Variants in BARX2 observed in about 807,000 individuals in gnomAD.
BARX2 encodes the protein BARX homeobox 2.
A neutral mutation model predicts 25.5 loss-of-function variants in BARX2; 11 were observed. That is an observed-to-expected ratio of 0.43 (90% CI 0.27 to 0.71). The LOEUF (loss-of-function observed/expected upper bound fraction) is 0.71. BARX2 is among the 30% of genes least tolerant of loss of function. The pLI, the probability that BARX2 is intolerant of heterozygous loss-of-function variation, is 0.19. For synonymous variants in BARX2, 137 were observed against 149.5 expected (o/e 0.92, Z 0.61); for missense variants, 360 against 359.9 (o/e 1.00, Z 0.00).
intron 3 of BARX2, among the ~76,000 whole-genome samples, chr11:129,448,490 T>C (rs1862356942): frequency 6.6e-6 from 1 of 152,204 alleles, no homozygotes; most frequent in Non-Finnish European, 1.5e-5. Context: ...CCAATGAAGA[T>C]ATACAGCTAG....
intron 1 of BARX2, among the ~76,000 whole-genome samples, chr11:129,420,840 C>T (rs1861996565): frequency 6.6e-6 from 1 of 152,180 alleles, no homozygotes; most frequent in African/African-American, 2.4e-5. Flanking sequence ...AAGGCAAAAA[C>T]TTTAAATGTG....
chr11:129,394,801 C>T (rs1286046418), intron 1 of BARX2, among the ~76,000 whole-genome samples: 11 of 152,122 alleles, frequency 7.2e-5, no homozygotes, highest in African/African-American at 2.2e-4. Flanking sequence ...CATTTATTTG[C>T]GGACTGGAAA....
Position 129,390,699 on chromosome 11 carries a change from C to A in BARX2, c.187+14477C>A, listed in dbSNP as rs1219303829. 6.6e-6 allele frequency among the ~76,000 whole-genome samples: 1 copy of A among 152,132 alleles called. No individual in the cohort carries two copies. Among genetic ancestry groups the A allele is most frequent in the Non-Finnish European group, 1.5e-5 (1 of 68,028 alleles). ...TCATTTGGAAATGGCCCTGTGAGTA[C>A]GTGCTTATTTTCAGAGGCGTTCCCC... On this transcript the variant is annotated intron_variant, in intron 1 of 3. Transcript: ENST00000281437. This position sits in a 1 kb window ranked among gnomAD's most constrained non-coding sequence, Gnocchi z 4.3.
At chr11:129,399,805 A>T (rs967200824) in intron 1 of BARX2, among the ~76,000 whole-genome samples, 4 of 152,204 alleles carry the variant, frequency 2.6e-5, no homozygotes, top group Non-Finnish European at 4.4e-5. Flanking sequence ...TCATTGGGTC[A>T]TTGCCATGGA....
intron 1 of BARX2, among the ~76,000 whole-genome samples, chr11:129,402,081 A>G (rs1861782319): frequency 6.6e-6 from 1 of 150,796 alleles, no homozygotes; most frequent in Admixed American, 6.6e-5. Context: ...ATAGAAGTGT[A>G]TGAACAAATA....
intron 1 of BARX2, among the ~76,000 whole-genome samples, chr11:129,413,315 C>T (rs1192443707): frequency 6.6e-6 from 1 of 152,156 alleles, no homozygotes; most frequent in African/African-American, 2.4e-5. Context: ...AAGCCAAACT[C>T]AAAAGCAGAG....
intron 1 of BARX2, among the ~76,000 whole-genome samples, chr11:129,414,555 A>G (rs561988307): frequency 6.6e-6 from 1 of 152,308 alleles, no homozygotes; most frequent in East Asian, 1.9e-4. Context: ...TCCAAGTCTC[A>G]GATGAGAAAC....
At chr11:129,415,461 G>C (rs762945569) in intron 1 of BARX2, among the ~76,000 whole-genome samples, 1 of 152,128 alleles carries the variant, frequency 6.6e-6, no homozygotes, top group South Asian at 2.1e-4. Flanking sequence ...TCATACAGTG[G>C]TTCAGAGATT....
At chr11:129,437,095 G>A (rs1458913510) in intron 2 of BARX2, 44 bp downstream of exon 2, 1 of 1,487,802 alleles carries the variant, frequency 6.7e-7, no homozygotes, top group Non-Finnish European at 9.0e-7. Flanking sequence ...AGGCCCCTGG[G>A]AACGGGAGAC....
intron 1 of BARX2, among the ~76,000 whole-genome samples, chr11:129,432,410 T>C (rs758995118): frequency 6.6e-6 from 1 of 152,186 alleles, no homozygotes; most frequent in Non-Finnish European, 1.5e-5. Context: ...GATGTTTCTT[T>C]TAAAAGAATG....
At chr11:129,409,330 T>G (rs1051322260) in intron 1 of BARX2, among the ~76,000 whole-genome samples, 10 of 152,268 alleles carry the variant, frequency 6.6e-5, no homozygotes, top group Admixed American at 4.6e-4. Context: ...ACCAAATACT[T>G]GCTTTTAGTG....
rs1862400758 is a variant in BARX2, at chr11:129,451,475, G to GA, written c.*77dup. 2 of 1,530,838 alleles carry GA rather than the reference G, an allele frequency of 1.3e-6. No homozygotes were observed. The highest frequency in any genetic ancestry group is 1.8e-6 in the Non-Finnish European group (2 of 1,130,456). The allele number at this position is 1,530,838 out of a possible 1,614,324, so 94.8% of individuals were successfully genotyped here. ...AGAGAAGGCAGGGAGAGTAGGGAGAGAAAACCTTCCAGCAGCCCAGTAAAC... is the reference window on the plus strand; with the variant it reads ...AGAGAAGGCAGGGAGAGTAGGGAGAGAAAAACCTTCCAGCAGCCCAGTAAAC... On this transcript the variant is annotated 3_prime_UTR_variant, in exon 4 of 4. Coordinates refer to ENST00000281437, the MANE Select transcript of BARX2 (RefSeq NM_003658.5).
At chr11:129,383,905 G>A (rs888103448) in intron 1 of BARX2, among the ~76,000 whole-genome samples, 4 of 152,180 alleles carry the variant, frequency 2.6e-5, no homozygotes, top group African/African-American at 7.2e-5. Flanking sequence ...ACAGAGTCTC[G>A]CTCTGTCACT....
At position 129,449,447 on chromosome 11, in the gene BARX2, T is replaced by C. The variant is rs1862370354; in HGVS notation, c.574-1689T>C. ...AGGCTAGGTTTATAAATAGCGAAAA[T>C]ATCTCCCACCCCTAATCATCTGTGC... On this transcript the variant is annotated intron_variant, in intron 3 of 3. Transcript: ENST00000281437. Among the ~76,000 whole-genome samples the C allele has an allele frequency of 2.0e-5, 3 of 152,102 alleles. No homozygotes were observed. The South Asian group carries it at 6.2e-4, about 32-fold the overall frequency.
intron 1 of BARX2, among the ~76,000 whole-genome samples, chr11:129,404,968 A>G (rs1044473625): frequency 6.6e-6 from 1 of 152,234 alleles, no homozygotes; most frequent in African/African-American, 2.4e-5. Flanking sequence ...TGCATAAACA[A>G]TGCAATTTGG....
At chr11:129,430,442 G>C (rs1284961337) in intron 1 of BARX2, among the ~76,000 whole-genome samples, 3 of 152,158 alleles carry the variant, frequency 2.0e-5, no homozygotes, top group African/African-American at 4.8e-5. Flanking sequence ...TGAAAGCAGT[G>C]AGGGGAGTCT....
chr11:129,392,670 G>A (rs1861677442), intron 1 of BARX2, among the ~76,000 whole-genome samples: 1 of 152,116 alleles, frequency 6.6e-6, no homozygotes, highest in African/African-American at 2.4e-5. Flanking sequence ...GGAGGGCAGT[G>A]GTATGATCTC....
chr11:129,408,020 CAAAAAAAAA>C (rs59310534), intron 1 of BARX2, among the ~76,000 whole-genome samples: 9 of 46,486 alleles, frequency 1.9e-4, no homozygotes, highest in Non-Finnish European at 3.2e-4. Context: ...GACTCCGTCT[CAAAAAAAAA>C]AAAAAAAAAA....
At position 129,376,144 on chromosome 11, in the gene BARX2, G is replaced by T. The variant is rs1402947625; in HGVS notation, c.109G>T (p.Asp37Tyr). Residue 37 changes from aspartate (D) to tyrosine (Y), a missense_variant, in exon 1 of 4, where the codon GAT (aspartate) becomes TAT (tyrosine). Physicochemically the swap from Asp to Tyr is radical, Grantham distance 160. Around this residue, in one of 3 missense-constraint regions of BARX2, gnomAD observed 240 missense variants for 228.7 expected, o/e 1.05. Transcript: ENST00000281437. This position sits in a 1 kb window ranked among gnomAD's most constrained non-coding sequence, Gnocchi z 4.2. Reference protein sequence around the residue: ...IDEILSKETCDYFEKLSLYSV... With the variant: ...IDEILSKETCYYFEKLSLYSV... Reference sequence around the variant, plus strand: ...CGAGATCCTCTCCAAGGAGACCTGCGATTACTTTGAGAAACTTTCCCTCTA... The same window carrying T: ...CGAGATCCTCTCCAAGGAGACCTGCTATTACTTTGAGAAACTTTCCCTCTA... 6.2e-7 allele frequency: 1 copy of T among 1,613,642 alleles called. No individual in the cohort carries two copies. The highest frequency in any genetic ancestry group is 8.5e-7 in the Non-Finnish European group (1 of 1,179,794).
Sources: allele counts gnomAD v4.1 joint callset (sites outside exome capture counted in the v4.1 genomes callset), GRCh38; gene constraint gnomAD v4.1.1; regional missense constraint gnomAD v4.1.1; non-coding constraint Gnocchi (gnomAD v3.1); transcripts MANE v1.5; gene names NCBI Gene and HGNC (gene_info 2026-07-23, HGNC 2026-07-21).